The following EPN2 variants were observed in gnomAD, a reference collection of about 807,000 sequenced individuals.
EPN2 encodes epsin-2.
In EPN2, 34 loss-of-function variants were observed where a neutral mutation model predicts 61.7. The ratio of observed to expected loss-of-function variants is 0.55; its 90% confidence interval spans 0.42 to 0.73. The LOEUF (loss-of-function observed/expected upper bound fraction) is 0.73. Ranked by LOEUF, EPN2 falls within the 30% of genes least tolerant of loss-of-function variation. The pLI, the probability that EPN2 is intolerant of heterozygous loss-of-function variation, is 0.00. For synonymous variants in EPN2, 349 were observed against 353.6 expected, an observed-to-expected ratio of 0.99 and a Z score of 0.15; for missense variants, 714 against 839.2, an observed-to-expected ratio of 0.85 and a Z score of 1.84.
intron 1 of EPN2, among the ~76,000 whole-genome samples, chr17:19,266,777 T>C (rs2045203049): frequency 6.6e-6 from 1 of 151,836 alleles, no homozygotes; most frequent in Non-Finnish European, 1.5e-5. Context: ...ACAACCCAAA[T>C]GTCCATCAAC....
intron 1 of EPN2, among the ~76,000 whole-genome samples, chr17:19,268,538 C>G (rs1414459289): frequency 6.6e-6 from 1 of 152,076 alleles, no homozygotes; most frequent in African/African-American, 2.4e-5. Context: ...CTTAGTACAT[C>G]TTTATAATGA....
chr17:19,329,157 A>C (rs1907043309), intron 8 of EPN2: 2 of 470,772 alleles, frequency 4.2e-6, no homozygotes, highest in African/African-American at 2.0e-5. Context: ...CTGGGCCCAC[A>C]GCCTGTGGGT....
chr17:19,320,594 G>A (rs908886296), intron 7 of EPN2, among the ~76,000 whole-genome samples: 1 of 152,202 alleles, frequency 6.6e-6, no homozygotes, highest in Non-Finnish European at 1.5e-5. Flanking sequence ...GTATGCAGAG[G>A]ACAGCATCAG....
intron 4 of EPN2, among the ~76,000 whole-genome samples, chr17:19,299,954 G>A (rs1300287652): frequency 6.6e-6 from 1 of 152,238 alleles, no homozygotes; most frequent in Non-Finnish European, 1.5e-5. Context: ...GGGTGTTTGA[G>A]CACCTACTTT....
chr17:19,312,943 G>A lies in EPN2; in HGVS notation c.973-162G>A. On this transcript the variant is annotated intron_variant, in intron 6 of 10. Coordinates refer to ENST00000314728, the MANE Select transcript of EPN2 (RefSeq NM_014964.5). ...TTGTGACTGGAGAGCTGGCTGGACG[G>A]GGAGGGAGATGGGACGGCTCAGTTT... 7.4e-6 allele frequency: 5 copies of A among 679,076 alleles called. No individual in the cohort carries two copies. The South Asian group carries it at 8.9e-5, about 12-fold the overall frequency. 42.1% of individuals were successfully genotyped at this position (679,076 alleles called of 1,614,324 possible).
intron 10 of EPN2, 66 bp downstream of exon 10, chr17:19,332,134 C>T: frequency 8.3e-7 from 1 of 1,204,820 alleles, no homozygotes; most frequent in East Asian, 2.4e-5. Context: ...CAGCAGGCCT[C>T]TTGGGGGCTC....
intron 4 of EPN2, among the ~76,000 whole-genome samples, chr17:19,291,642 G>A (rs543007777): frequency 2.0e-5 from 3 of 152,036 alleles, no homozygotes; most frequent in South Asian, 2.1e-4. Flanking sequence ...GGGTTTCACC[G>A]TGTTAGCCAT....
At chr17:19,257,522 TC>T (rs59057920) in intron 1 of EPN2, among the ~76,000 whole-genome samples, 48,502 of 143,522 alleles carry the variant, frequency 0.34, 13,351 homozygotes, top group East Asian at 0.75. Flanking sequence ...TCTCTCTCTC[TC>T]TTTTTTTTTT....
At chr17:19,247,271 G>A (rs1229833363) in intron 1 of EPN2, among the ~76,000 whole-genome samples, 2 of 152,194 alleles carry the variant, frequency 1.3e-5, no homozygotes, top group African/African-American at 4.8e-5. Context: ...TGGAACACGT[G>A]ATCTAGAGGC....
intron 9 of EPN2, among the ~76,000 whole-genome samples, chr17:19,330,948 G>T (rs1266343159): frequency 6.6e-6 from 1 of 152,242 alleles, no homozygotes; most frequent in African/African-American, 2.4e-5. Context: ...ACTGCAGTGA[G>T]CCTTGATCGA....
rs181103072 is a variant in EPN2 at position 19,307,341 on chromosome 17, C to G, written c.767-2544C>G. ...TCTTTTTTTTTTGGAGATGGAGTCT[C>G]GCTCTGTCACCCAGGCTGGAGTGCA... On this transcript the variant is annotated intron_variant, in intron 4 of 10. Transcript: ENST00000314728. 2.8e-3 allele frequency among the ~76,000 whole-genome samples: 419 copies of G among 151,812 alleles called. 1 individual carries two copies. The highest frequency in any genetic ancestry group is 4.1e-3 in the Non-Finnish European group (277 of 67,954).
intron 10 of EPN2, 119 bp downstream of exon 10, chr17:19,332,187 T>C: frequency 1.3e-6 from 1 of 757,830 alleles, no homozygotes. Flanking sequence ...AGCTGGAATC[T>C]CTAGATGATT....
intron 1 of EPN2, among the ~76,000 whole-genome samples, chr17:19,239,728 C>T (rs28756092): frequency 0.079 from 11,959 of 152,282 alleles, 1,620 homozygotes; most frequent in African/African-American, 0.27. Context: ...TTTTGCCTCT[C>T]TGAAGCCTGA....
intron 1 of EPN2, among the ~76,000 whole-genome samples, chr17:19,273,693 G>A (rs1256085753): frequency 6.6e-6 from 1 of 151,842 alleles, no homozygotes; most frequent in African/African-American, 2.4e-5. Flanking sequence ...TAACCAACAA[G>A]AAGTCATCAG....
chr17:19,305,775 G>T (rs1486077879), intron 4 of EPN2, among the ~76,000 whole-genome samples: 1 of 152,154 alleles, frequency 6.6e-6, no homozygotes, highest in Non-Finnish European at 1.5e-5. Flanking sequence ...ACTCGAGTGG[G>T]AGAGACCCTT....
chr17:19,331,076 A>G (rs1907137082), intron 9 of EPN2, among the ~76,000 whole-genome samples: 1 of 152,290 alleles, frequency 6.6e-6, no homozygotes, highest in South Asian at 2.1e-4. Flanking sequence ...CCTTGCCTCA[A>G]CTTTTGTGGA....
intron 4 of EPN2, among the ~76,000 whole-genome samples, chr17:19,287,127 C>T (rs1173335635): frequency 1.3e-5 from 2 of 152,070 alleles, no homozygotes; most frequent in Non-Finnish European, 2.9e-5. Context: ...TAAATACAGC[C>T]TGGCAGGCCT....
Position 19,243,220 on chromosome 17 carries a change from C to CTTT in EPN2, c.-294+5704_-294+5706dup, listed in dbSNP as rs71155386. On this transcript the variant is annotated intron_variant, in intron 1 of 10. Coordinates refer to ENST00000314728, the MANE Select transcript of EPN2 (RefSeq NM_014964.5). ...AGGGAGGGGAGGCCTGAGAATGTGT[C>CTTT]TTTTTTTTTTTTTTTTTGAGACAGA... Among the ~76,000 whole-genome samples the CTTT allele has an allele frequency of 5.7e-3, 728 of 127,092 alleles. 22 individuals are homozygous for CTTT. Among genetic ancestry groups the CTTT allele is most frequent in the African/African-American group, 0.021 (683 of 32,602 alleles). 83.4% of individuals were successfully genotyped at this position (127,092 alleles called of 152,430 possible).
chr17:19,320,417 T>C (rs1439640517), intron 7 of EPN2, among the ~76,000 whole-genome samples: 1 of 152,164 alleles, frequency 6.6e-6, no homozygotes, highest in Non-Finnish European at 1.5e-5. Flanking sequence ...CTCAGGCTTG[T>C]AAGTCTGAGC....
Sources: allele counts gnomAD v4.1 joint callset (sites outside exome capture counted in the v4.1 genomes callset), GRCh38; gene constraint gnomAD v4.1.1; transcripts MANE v1.5; gene names NCBI Gene and HGNC (gene_info 2026-07-23, HGNC 2026-07-21).